TRPM2: variants seen among roughly 807,000 people sequenced by gnomAD.
The protein encoded by TRPM2 is estrogen-responsive element-associated gene 1 protein.
In TRPM2, 161 loss-of-function variants were observed where a neutral mutation model predicts 174.0. That is an observed-to-expected ratio of 0.93 (90% confidence interval 0.81 to 1.05). The LOEUF is 1.05. Ranked by LOEUF, TRPM2 falls within the 50% of genes least tolerant of loss-of-function variation. TRPM2 has a pLI of 0.00. For synonymous variants in TRPM2, 954 were observed against 861.3 expected, an observed-to-expected ratio of 1.11 and a Z score of -1.88; for missense variants, 2,057 against 2,038.0, an observed-to-expected ratio of 1.01 and a Z score of -0.18.
intron 5 of TRPM2, among the ~76,000 whole-genome samples, chr21:44,371,257 C>T (rs964443695): frequency 3.3e-5 from 5 of 150,810 alleles, no homozygotes; most frequent in Admixed American, 1.3e-4. Context: ...TCTCTGCCTC[C>T]GTGTCCCGTG....
At chr21:44,358,935 G>T (rs996345390) in intron 2 of TRPM2, among the ~76,000 whole-genome samples, 2 of 151,976 alleles carry the variant, frequency 1.3e-5, no homozygotes, top group African/African-American at 2.4e-5. Context: ...AAAGAACAAA[G>T]ACTCCTCAGC....
intron 27 of TRPM2, among the ~76,000 whole-genome samples, chr21:44,431,178 C>A (rs1478892656): frequency 6.6e-6 from 1 of 151,980 alleles, no homozygotes; most frequent in Non-Finnish European, 1.5e-5. Context: ...ATAAGGGTAC[C>A]TAAGACTGTA....
rs1038467062 is a variant in TRPM2 at position 44,439,382 on chromosome 21, G to A, written c.4269+214G>A. On this transcript the variant is annotated intron_variant, in intron 30 of 31. Transcript: ENST00000397928. This position sits in a 1 kb window ranked among gnomAD's most constrained non-coding sequence, Gnocchi z 5.1. ...GTGTGCAGGGCCCCTCAGACATCTC[G>A]CCCTCCCTCTCTGTTCCATTTTCTC... Among the ~76,000 whole-genome samples the A allele has an allele frequency of 1.1e-4, 17 of 152,140 alleles. No homozygotes were observed. The highest frequency in any genetic ancestry group is 5.8e-4 in the East Asian group (3 of 5,166).
chr21:44,411,965 A>G (rs535782611), intron 19 of TRPM2, among the ~76,000 whole-genome samples: 51 of 152,222 alleles, frequency 3.4e-4, no homozygotes, highest in South Asian at 1.0e-3. Context: ...TTGGTGAATA[A>G]TCTCTTTTAC....
intron 24 of TRPM2, 23 bp from the exon 25 acceptor site, chr21:44,425,647 C>T (rs2050737271): frequency 6.8e-7 from 1 of 1,475,570 alleles, no homozygotes; most frequent in Admixed American, 2.3e-5. Flanking sequence ...CGCCTTGCGT[C>T]ACGTCTTCCT....
intron 29 of TRPM2, among the ~76,000 whole-genome samples, chr21:44,437,941 C>G (rs2051342402): frequency 6.6e-6 from 1 of 152,266 alleles, no homozygotes; most frequent in African/African-American, 2.4e-5. Context: ...TCCTCTGCAC[C>G]TGATCCGGGG....
intron 27 of TRPM2, 129 bp from the exon 28 acceptor site, chr21:44,435,002 A>G (rs1198417584): frequency 1.9e-5 from 16 of 852,338 alleles, no homozygotes; most frequent in Non-Finnish European, 2.7e-5. Flanking sequence ...AGGTCTCTAA[A>G]GAAGCCTGCA....
intron 27 of TRPM2, among the ~76,000 whole-genome samples, chr21:44,434,294 G>A (rs2051146250): frequency 6.6e-6 from 1 of 151,780 alleles, no homozygotes. Context: ...GACGCTGGCA[G>A]GGATGGTGAC....
chr21:44,391,436 G>GC lies in TRPM2; in HGVS notation c.1606dup (p.Leu536ProfsTer89). On this transcript the variant is annotated frameshift_variant, in exon 11 of 32. Transcript: ENST00000397928. LOFTEE classifies it high-confidence loss of function. The surrounding 1 kb of genome is among the most constrained non-coding windows in gnomAD (Gnocchi z 5.0). ...ACCCCTCCTGCCTGTTCCACAGCAA[G>GC]CTGCAGAAGGTGCTGGTGGAGGATC... is the stretch of plus-strand genomic sequence containing the variant. 1 of 1,613,976 alleles carries GC rather than the reference G, an allele frequency of 6.2e-7. No individual in the cohort carries two copies. The highest frequency in any genetic ancestry group is 8.5e-7 in the Non-Finnish European group (1 of 1,180,046).
upstream of TRPM2, chr21:44,353,517 C>T (rs922066206): frequency 2.3e-5 from 18 of 775,578 alleles, no homozygotes; most frequent in Admixed American, 2.2e-4. Context: ...TGAAGAGAAC[C>T]GGATGAGGGC....
chr21:44,417,599 G>C (rs1164224457), intron 20 of TRPM2, among the ~76,000 whole-genome samples: 2 of 95,930 alleles, frequency 2.1e-5, no homozygotes, highest in African/African-American at 8.9e-5. Context: ...TCTGCTCTCT[G>C]TGGCATCACA....
At chr21:44,423,611 G>A in intron 22 of TRPM2, 34 bp from the exon 23 acceptor site, 1 of 1,583,164 alleles carries the variant, frequency 6.3e-7, no homozygotes, top group Non-Finnish European at 8.6e-7. Flanking sequence ...CCCAAGGTGT[G>A]GTGTGCGTCC....
chr21:44,350,505 G>A (rs2047912182), upstream of TRPM2, among the ~76,000 whole-genome samples: 1 of 145,834 alleles, frequency 6.9e-6, no homozygotes, highest in Non-Finnish European at 1.5e-5. Context: ...CGGGGTTCGG[G>A]GCGCTGGTGC....
At position 44,376,827 on chromosome 21, in the gene TRPM2, G is replaced by C. The variant is rs1274281756; in HGVS notation, c.952+814G>C. 6.6e-6 allele frequency among the ~76,000 whole-genome samples: 1 copy of C among 152,180 alleles called. No homozygotes were observed. Among genetic ancestry groups the C allele is most frequent in the African/African-American group, 2.4e-5 (1 of 41,432 alleles). On this transcript the variant is annotated intron_variant, in intron 6 of 31. Coordinates refer to ENST00000397928, the MANE Select transcript of TRPM2 (RefSeq NM_003307.4). The surrounding 1 kb of genome is among the most constrained non-coding windows in gnomAD (Gnocchi z 4.2). ...CTGGAGGGTTCCTCACCAGCTTGTG[G>C]GCCCCAGCCCCAGGGTCCAACTCAG...
At chr21:44,407,606 C>T (rs746065412) in intron 19 of TRPM2, among the ~76,000 whole-genome samples, 6 of 151,880 alleles carry the variant, frequency 4.0e-5, no homozygotes, top group East Asian at 3.9e-4. Context: ...CAGTCACTCC[C>T]GTTCCCCTCC....
At chr21:44,429,999 G>T (rs1306382963) in intron 27 of TRPM2, among the ~76,000 whole-genome samples, 1 of 152,156 alleles carries the variant, frequency 6.6e-6, no homozygotes, top group Non-Finnish European at 1.5e-5. Flanking sequence ...GCTACTAAAT[G>T]GTTTTTCTGC....
chr21:44,382,923 T>TC, intron 9 of TRPM2, 103 bp downstream of exon 9: 1 of 1,228,516 alleles, frequency 8.1e-7, no homozygotes, highest in Non-Finnish European at 1.2e-6. Context: ...GGAACCAGAA[T>TC]ATTCCTCCTT....
chr21:44,355,117 T>C (rs2048018180), intron 2 of TRPM2, among the ~76,000 whole-genome samples: 1 of 152,172 alleles, frequency 6.6e-6, no homozygotes, highest in African/African-American at 2.4e-5. Context: ...GGAAGGGCCT[T>C]AGGGAGAGTC....
intron 19 of TRPM2, among the ~76,000 whole-genome samples, chr21:44,413,685 G>A (rs1201246652): frequency 2.0e-5 from 3 of 152,144 alleles, no homozygotes; most frequent in Non-Finnish European, 2.9e-5. Flanking sequence ...CTCTGCCCCC[G>A]GGGCCTCCTA....
Sources: allele counts gnomAD v4.1 joint callset (sites outside exome capture counted in the v4.1 genomes callset), GRCh38; gene constraint gnomAD v4.1.1; non-coding constraint Gnocchi (gnomAD v3.1); transcripts MANE v1.5; gene names NCBI Gene and HGNC (gene_info 2026-07-23, HGNC 2026-07-21).